ADGRL2: variants seen among roughly 807,000 people sequenced by gnomAD.
ADGRL2 encodes adhesion G protein-coupled receptor L2, also known as calcium-independent alpha-latrotoxin receptor 2.
ADGRL2 carries 44 observed loss-of-function variants against 157.4 expected under a neutral mutation model. The observed-to-expected ratio is 0.28, with a 90% CI of 0.22 to 0.36. ADGRL2 has a LOEUF of 0.36. Among genes scored for constraint, ADGRL2 ranks in the 10% least tolerant of loss-of-function variants. The pLI is 1.00. For synonymous variants in ADGRL2, 585 were observed against 624.7 expected (o/e 0.94, Z 0.95); for missense variants, 1,510 against 1,768.9 (o/e 0.85, Z 2.63).
At chr1:81,370,308 T>A (rs1570749988) in intron 1 of ADGRL2, among the ~76,000 whole-genome samples, 1 of 152,206 alleles carries the variant, frequency 6.6e-6, no homozygotes, top group Non-Finnish European at 1.5e-5. Flanking sequence ...TATAAAACTT[T>A]ATGAAATTCA....
intron 2 of ADGRL2, chr1:81,502,723 G>A: frequency 6.2e-7 from 1 of 1,613,710 alleles, no homozygotes. Flanking sequence ...GAGTTCCCCA[G>A]CCGAGCTCCA....
At chr1:81,329,461 T>C (rs974705283) in intron 1 of ADGRL2, among the ~76,000 whole-genome samples, 2 of 152,176 alleles carry the variant, frequency 1.3e-5, no homozygotes, top group African/African-American at 2.4e-5. Context: ...ATTAATAGTC[T>C]CTGCTCCACA....
intron 3 of ADGRL2, among the ~76,000 whole-genome samples, chr1:81,649,542 C>G (rs1016966083): frequency 6.6e-6 from 1 of 152,176 alleles, no homozygotes; most frequent in African/African-American, 2.4e-5. Flanking sequence ...ATCTCCATTT[C>G]TATTCTCCTG....
intron 2 of ADGRL2, among the ~76,000 whole-genome samples, chr1:81,479,011 C>G (rs2078329655): frequency 6.6e-6 from 1 of 152,082 alleles, no homozygotes; most frequent in Non-Finnish European, 1.5e-5. Flanking sequence ...ATTGCACCAT[C>G]AGTATTTAAC....
chr1:81,896,818 C>T lies in ADGRL2; in HGVS notation c.74-10199C>T, dbSNP rs17107435. On this transcript the variant is annotated intron_variant, in intron 2 of 23. Coordinates refer to ENST00000686636, the MANE Select transcript of ADGRL2 (RefSeq NM_001366006.2). The stretch of plus-strand genomic sequence containing the variant: ...GTACAAAGACCCTTAGAATGTGTTA[C>T]CTGCTCTGATAGAGGAGCTCATAAT... 6.3e-3 allele frequency among the ~76,000 whole-genome samples: 963 copies of T among 152,226 alleles called. 16 individuals are homozygous for T. The highest frequency in any genetic ancestry group is 0.022 in the African/African-American group (911 of 41,542).
chr1:81,539,444 A>G (rs1317133463), intron 2 of ADGRL2, among the ~76,000 whole-genome samples: 1 of 152,164 alleles, frequency 6.6e-6, no homozygotes, highest in Admixed American at 6.5e-5. Flanking sequence ...AACATTTCAC[A>G]ACGTTCACAC....
At chr1:81,312,338 A>G (rs1179948514) in intron 1 of ADGRL2, among the ~76,000 whole-genome samples, 1 of 152,324 alleles carries the variant, frequency 6.6e-6, no homozygotes, top group Non-Finnish European at 1.5e-5. Context: ...GTTTCAGGGC[A>G]GCTTCCAAGT....
chr1:81,431,187 C>T (rs1475174903), intron 1 of ADGRL2, among the ~76,000 whole-genome samples: 3 of 152,000 alleles, frequency 2.0e-5, no homozygotes. Context: ...TCCGTGTTTG[C>T]TTTGTGTTTG....
chr1:81,690,527 A>G (rs1417498201), intron 3 of ADGRL2, among the ~76,000 whole-genome samples: 1 of 152,110 alleles, frequency 6.6e-6, no homozygotes, highest in Admixed American at 6.5e-5. Flanking sequence ...TTAGTATCCA[A>G]CTTCTATTCA....
intron 1 of ADGRL2, among the ~76,000 whole-genome samples, chr1:81,822,894 A>T (rs2091124752): frequency 6.6e-6 from 1 of 152,034 alleles, no homozygotes; most frequent in Non-Finnish European, 1.5e-5. Context: ...TCATTTTTAT[A>T]ATGAGGAGAC....
intron 1 of ADGRL2, among the ~76,000 whole-genome samples, chr1:81,346,797 A>T (rs555937640): frequency 6.6e-6 from 1 of 152,332 alleles, no homozygotes; most frequent in African/African-American, 2.4e-5. Context: ...TGAGCAGAGC[A>T]GTCTATGGCA....
chr1:81,518,271 G>A (rs1261341319), intron 2 of ADGRL2, among the ~76,000 whole-genome samples: 2 of 152,242 alleles, frequency 1.3e-5, no homozygotes, highest in Non-Finnish European at 1.5e-5. Flanking sequence ...TGTCCTGGGA[G>A]TAGATCTGAT....
intron 1 of ADGRL2, among the ~76,000 whole-genome samples, chr1:81,720,278 G>A (rs999208612): frequency 6.6e-6 from 1 of 150,914 alleles, no homozygotes; most frequent in African/African-American, 2.4e-5. Flanking sequence ...TGCCTCCCAG[G>A]TTCAAGTGAT....
chr1:81,736,957 C>T (rs76943410), intron 1 of ADGRL2, among the ~76,000 whole-genome samples: 38,956 of 152,034 alleles, frequency 0.26, 5,347 homozygotes, highest in Admixed American at 0.38. Context: ...GCCACAGCCT[C>T]TGGAGTAGCT....
chr1:81,803,514 C>G (rs1024157006), intron 1 of ADGRL2, among the ~76,000 whole-genome samples: 1 of 152,058 alleles, frequency 6.6e-6, no homozygotes, highest in Non-Finnish European at 1.5e-5. Context: ...CTATCATAGC[C>G]TTTCTCTTTT....
intron 2 of ADGRL2, among the ~76,000 whole-genome samples, chr1:81,534,365 T>C (rs976492917): frequency 6.6e-6 from 1 of 152,174 alleles, no homozygotes; most frequent in African/African-American, 2.4e-5. Context: ...TTTCACCATG[T>C]TGGCCAGACT....
At chr1:81,326,402 CTT>C (rs1009994345) in intron 1 of ADGRL2, among the ~76,000 whole-genome samples, 6 of 152,152 alleles carry the variant, frequency 3.9e-5, no homozygotes, top group African/African-American at 1.2e-4. Context: ...TTCAAGTAGA[CTT>C]TCATTCAGGT....
At chr1:81,807,963 A>T (rs2089374293) in intron 1 of ADGRL2, among the ~76,000 whole-genome samples, 1 of 151,460 alleles carries the variant, frequency 6.6e-6, no homozygotes, top group South Asian at 2.1e-4. Context: ...TATTATTATT[A>T]TTTTTTTACA....
intron 1 of ADGRL2, among the ~76,000 whole-genome samples, chr1:81,339,989 G>T (rs1661950232): frequency 6.6e-6 from 1 of 152,182 alleles, no homozygotes; most frequent in Non-Finnish European, 1.5e-5. Context: ...GACCTTAAGA[G>T]ATTCTCAAAA....
Sources: gnomAD v4.1 joint callset for allele counts (sites outside exome capture counted in the v4.1 genomes callset) on GRCh38, gnomAD v4.1.1 for gene constraint, MANE v1.5 for transcripts, NCBI Gene and HGNC (gene_info 2026-07-23, HGNC 2026-07-21) for gene names.